NRG1: variants seen among roughly 807,000 people sequenced by gnomAD.
NRG1 encodes the protein pro-neuregulin-1, membrane-bound isoform.
NRG1 carries 18 observed loss-of-function variants against 63.8 expected under a neutral mutation model. The observed-to-expected ratio is 0.28, with a 90% CI of 0.19 to 0.42. The LOEUF (loss-of-function observed/expected upper bound fraction) is 0.42. Ranked by LOEUF, NRG1 falls within the 10% of genes least tolerant of loss-of-function variation. The pLI is 1.00. For synonymous variants in NRG1, 302 were observed against 301.3 expected, an observed-to-expected ratio of 1.00 and a Z score of -0.02; for missense variants, 762 against 814.7, an observed-to-expected ratio of 0.94 and a Z score of 0.79.
At chr8:31,670,002 A>G (rs992007457) in intron 1 of NRG1, among the ~76,000 whole-genome samples, 1 of 152,158 alleles carries the variant, frequency 6.6e-6, no homozygotes, top group Non-Finnish European at 1.5e-5. Context: ...CCATATAGAG[A>G]TAAGGAGTCT....
intron 1 of NRG1, among the ~76,000 whole-genome samples, chr8:31,823,957 C>A (rs1044702539): frequency 1.5e-4 from 23 of 152,028 alleles, no homozygotes; most frequent in African/African-American, 5.3e-4. Context: ...TATAAGAATC[C>A]ATTCTGTTTT....
At chr8:32,630,893 A>G (rs1223054823) in intron 5 of NRG1, among the ~76,000 whole-genome samples, 1 of 152,184 alleles carries the variant, frequency 6.6e-6, no homozygotes, top group Non-Finnish European at 1.5e-5. Context: ...TAAAGCCACA[A>G]CAGGTATCTG....
At chr8:32,486,620 T>G (rs1825929004) in intron 1 of NRG1, among the ~76,000 whole-genome samples, 1 of 123,318 alleles carries the variant, frequency 8.1e-6, no homozygotes, top group African/African-American at 3.2e-5. Context: ...GGCTACAGAA[T>G]TGCTGGATTT....
At chr8:32,656,016 G>T (rs771342760) in intron 5 of NRG1, among the ~76,000 whole-genome samples, 2 of 152,092 alleles carry the variant, frequency 1.3e-5, no homozygotes, top group Non-Finnish European at 2.9e-5. Flanking sequence ...GGGAATTAAC[G>T]TCTATGAGTT....
intron 1 of NRG1, among the ~76,000 whole-genome samples, chr8:31,997,386 G>A (rs895724476): frequency 1.3e-5 from 2 of 151,842 alleles, no homozygotes; most frequent in Non-Finnish European, 2.9e-5. Flanking sequence ...AATTTGTCCT[G>A]TCCTTCTTCT....
intron 1 of NRG1, among the ~76,000 whole-genome samples, chr8:31,855,548 G>T (rs1195217400): frequency 6.6e-6 from 1 of 152,022 alleles, no homozygotes; most frequent in East Asian, 1.9e-4. Context: ...CACACTGATG[G>T]GTCTTGACTT....
chr8:31,734,669 A>G (rs1353587728), intron 1 of NRG1, among the ~76,000 whole-genome samples: 1 of 152,186 alleles, frequency 6.6e-6, no homozygotes, highest in Admixed American at 6.5e-5. Context: ...ATTAAACATT[A>G]TATTTTCCCC....
intron 5 of NRG1, among the ~76,000 whole-genome samples, chr8:32,665,080 A>G (rs186823215): frequency 1.6e-4 from 24 of 152,292 alleles, no homozygotes; most frequent in Non-Finnish European, 3.1e-4. Context: ...ACTTTTTGAC[A>G]TTATTCATTG....
chr8:32,132,005 G>A (rs569913347), intron 1 of NRG1, among the ~76,000 whole-genome samples: 21 of 151,982 alleles, frequency 1.4e-4, no homozygotes, highest in Admixed American at 1.4e-3. Context: ...TTTCCTATGT[G>A]TATAAGATTC....
intron 1 of NRG1, among the ~76,000 whole-genome samples, chr8:31,681,820 G>A (rs1808366760): frequency 1.3e-5 from 2 of 151,842 alleles, no homozygotes; most frequent in South Asian, 4.2e-4. Flanking sequence ...GCAGGTTTAG[G>A]ATCACAGCAA....
At chr8:32,114,860 T>G (rs1832501987) in intron 1 of NRG1, among the ~76,000 whole-genome samples, 1 of 152,178 alleles carries the variant, frequency 6.6e-6, no homozygotes, top group African/African-American at 2.4e-5. Flanking sequence ...GCATCTATGT[T>G]GACAAGACAA....
At chr8:32,353,046 T>G (rs754505428) in intron 1 of NRG1, among the ~76,000 whole-genome samples, 72 of 150,666 alleles carry the variant, frequency 4.8e-4, no homozygotes, top group Non-Finnish European at 8.7e-4. Context: ...AAAAAAAGAA[T>G]GAATTTTTAA....
intron 1 of NRG1, among the ~76,000 whole-genome samples, chr8:31,777,364 G>T (rs181853733): frequency 1.3e-5 from 2 of 152,340 alleles, no homozygotes; most frequent in Non-Finnish European, 2.9e-5. Flanking sequence ...GATAGCTGTT[G>T]TTGGACCCAA....
chr8:32,243,192 G>A (rs1848280340), intron 1 of NRG1, among the ~76,000 whole-genome samples: 1 of 152,146 alleles, frequency 6.6e-6, no homozygotes, highest in Non-Finnish European at 1.5e-5. Context: ...GGGAGGCTGA[G>A]AGAGGCAGAT....
At chr8:32,504,670 T>C (rs1828314984) in intron 1 of NRG1, among the ~76,000 whole-genome samples, 1 of 152,134 alleles carries the variant, frequency 6.6e-6, no homozygotes, top group South Asian at 2.1e-4. Context: ...CAGGTATAAA[T>C]ATAGAAACAC....
intron 1 of NRG1, among the ~76,000 whole-genome samples, chr8:32,528,777 AC>A: frequency 6.6e-6 from 1 of 152,220 alleles, no homozygotes; most frequent in Non-Finnish European, 1.5e-5. Flanking sequence ...CCTATTAAAA[AC>A]AACATATTGT....
chr8:32,754,026 A>G (rs1212898034), intron 7 of NRG1, among the ~76,000 whole-genome samples: 1 of 152,104 alleles, frequency 6.6e-6, no homozygotes, highest in African/African-American at 2.4e-5. Flanking sequence ...AGACTACAAA[A>G]AAAAATAAAA....
At chr8:32,207,959 C>A (rs1316904725) in intron 1 of NRG1, among the ~76,000 whole-genome samples, 7 of 152,106 alleles carry the variant, frequency 4.6e-5, no homozygotes, top group Non-Finnish European at 8.8e-5. Context: ...CAATACCATC[C>A]TTGGGTGTTA....
chr8:31,940,326 G>A (rs1801566836), intron 1 of NRG1, among the ~76,000 whole-genome samples: 2 of 151,922 alleles, frequency 1.3e-5, no homozygotes, highest in Non-Finnish European at 2.9e-5. Context: ...AAATCAAGAT[G>A]GAAATTAAAA....
Sources: allele counts gnomAD v4.1 joint callset (sites outside exome capture counted in the v4.1 genomes callset), GRCh38; gene constraint gnomAD v4.1.1; transcripts MANE v1.5; gene names NCBI Gene and HGNC (gene_info 2026-07-23, HGNC 2026-07-21).